KCNIP4: variants seen among roughly 807,000 people sequenced by gnomAD.
KCNIP4 encodes the protein Kv channel-interacting protein 4.
A neutral mutation model predicts 34.0 loss-of-function variants in KCNIP4; 12 were observed. That is an observed-to-expected ratio of 0.35 (90% CI 0.23 to 0.57). The LOEUF is 0.57. KCNIP4 is among the 20% of genes least tolerant of loss of function. KCNIP4 has a pLI of 0.83. For missense variants in KCNIP4, 238 were observed against 311.7 expected, an observed-to-expected ratio of 0.76 and a Z score of 1.78; for synonymous variants, 124 against 102.2, an observed-to-expected ratio of 1.21 and a Z score of -1.29.
At chr4:21,871,506 G>T (rs773457058) in intron 1 of KCNIP4, among the ~76,000 whole-genome samples, 14 of 151,638 alleles carry the variant, frequency 9.2e-5, no homozygotes, top group Admixed American at 3.3e-4. Context: ...CATGGATGAA[G>T]CTGGAAACCA....
chr4:21,035,074 G>A (rs1304207119), intron 1 of KCNIP4, among the ~76,000 whole-genome samples: 1 of 152,160 alleles, frequency 6.6e-6, no homozygotes, highest in Non-Finnish European at 1.5e-5. Flanking sequence ...AACTACATTT[G>A]CTTTTAATGG....
At chr4:21,486,159 G>C (rs940274035) in intron 1 of KCNIP4, among the ~76,000 whole-genome samples, 1 of 152,126 alleles carries the variant, frequency 6.6e-6, no homozygotes, top group Non-Finnish European at 1.5e-5. Flanking sequence ...AATGTGTTCT[G>C]ATACTTTTTG....
At chr4:20,887,720 T>C (rs190697747) in intron 1 of KCNIP4, among the ~76,000 whole-genome samples, 105 of 152,300 alleles carry the variant, frequency 6.9e-4, no homozygotes, top group African/African-American at 2.3e-3. Flanking sequence ...CTAAAAGCCT[T>C]GCATTCCAAG....
chr4:21,287,984 T>C (rs1763221186), intron 1 of KCNIP4, among the ~76,000 whole-genome samples: 1 of 152,222 alleles, frequency 6.6e-6, no homozygotes, highest in Non-Finnish European at 1.5e-5. Flanking sequence ...GATGAGCATC[T>C]ACTAAGTAAA....
intron 1 of KCNIP4, among the ~76,000 whole-genome samples, chr4:20,898,906 T>C (rs187791116): frequency 6.6e-6 from 1 of 152,338 alleles, no homozygotes; most frequent in East Asian, 1.9e-4. Flanking sequence ...TAACAACAAC[T>C]TTGCAAGCTG....
chr4:21,319,183 A>G (rs1029928930), intron 1 of KCNIP4, among the ~76,000 whole-genome samples: 4 of 152,166 alleles, frequency 2.6e-5, no homozygotes, highest in African/African-American at 7.2e-5. Flanking sequence ...GGGAGCCAAG[A>G]CCTGTCTGCT....
intron 2 of KCNIP4, 63 bp downstream of exon 2, chr4:20,882,545 G>A: frequency 7.1e-6 from 8 of 1,121,802 alleles, no homozygotes; most frequent in East Asian, 2.4e-5. Context: ...GGCAATGCAT[G>A]CAGGCCTAAA....
intron 1 of KCNIP4, among the ~76,000 whole-genome samples, chr4:21,224,591 T>TTG (rs1186407909): frequency 1.1e-4 from 15 of 135,818 alleles, no homozygotes; most frequent in African/African-American, 1.2e-4. Flanking sequence ...TTTTTTTTTT[T>TTG]TTTTTTTTTT....
intron 1 of KCNIP4, among the ~76,000 whole-genome samples, chr4:21,363,536 T>C (rs888788966): frequency 6.6e-6 from 1 of 152,148 alleles, no homozygotes; most frequent in Non-Finnish European, 1.5e-5. Context: ...AAATAAAAAT[T>C]TATAATGTGC....
At chr4:21,480,577 T>C (rs2109831800) in intron 1 of KCNIP4, among the ~76,000 whole-genome samples, 1 of 152,252 alleles carries the variant, frequency 6.6e-6, no homozygotes, top group African/African-American at 2.4e-5. Context: ...AATGAGACAG[T>C]TGAATAAAGT....
At chr4:21,944,519 T>C (rs143482940) in intron 1 of KCNIP4, among the ~76,000 whole-genome samples, 111 of 135,396 alleles carry the variant, frequency 8.2e-4, no homozygotes, top group African/African-American at 3.1e-3. Flanking sequence ...GTCACGCCAC[T>C]GCACTCCACC....
intron 1 of KCNIP4, among the ~76,000 whole-genome samples, chr4:21,172,508 G>C (rs1285910133): frequency 6.6e-6 from 1 of 152,160 alleles, no homozygotes; most frequent in Non-Finnish European, 1.5e-5. Flanking sequence ...ACATAAACTT[G>C]TGTCTTTATT....
chr4:21,594,102 A>T (rs1199222489), intron 1 of KCNIP4, among the ~76,000 whole-genome samples: 1 of 152,120 alleles, frequency 6.6e-6, no homozygotes, highest in African/African-American at 2.4e-5. Context: ...AAGATACAAT[A>T]CCAAATTTCT....
chr4:21,726,188 G>C (rs552762593), intron 1 of KCNIP4, among the ~76,000 whole-genome samples: 1 of 152,100 alleles, frequency 6.6e-6, no homozygotes, highest in South Asian at 2.1e-4. Flanking sequence ...TTAGCCTGGA[G>C]ATGTTTACTT....
intron 1 of KCNIP4, among the ~76,000 whole-genome samples, chr4:21,457,717 G>A (rs935217861): frequency 7.2e-5 from 11 of 152,146 alleles, no homozygotes; most frequent in Non-Finnish European, 1.2e-4. Flanking sequence ...CAGAGCTGGC[G>A]TATGGCAGTC....
chr4:21,338,870 C>A (rs1212012347), intron 1 of KCNIP4, among the ~76,000 whole-genome samples: 1 of 151,962 alleles, frequency 6.6e-6, no homozygotes, highest in East Asian at 1.9e-4. Context: ...TGATGAAACA[C>A]AAACTAATCT....
rs574173911 is a variant in KCNIP4 at position 21,560,308 on chromosome 4, A to G, written c.61+388263T>C. 2.0e-5 allele frequency among the ~76,000 whole-genome samples: 3 copies of G among 152,232 alleles called. No individual in the cohort carries two copies. In the East Asian group the frequency reaches 5.8e-4, roughly 29 times the overall value. On this transcript the variant is annotated intron_variant, in intron 1 of 8. Coordinates refer to ENST00000382152, the MANE Select transcript of KCNIP4 (RefSeq NM_025221.6). ...AGATTATTGGATCTACATATTTACC[A>G]TAACTCTGATTAAAGGCCTTTGAAG...
intron 3 of KCNIP4, among the ~76,000 whole-genome samples, chr4:20,762,548 A>C (rs1208858490): frequency 6.6e-6 from 1 of 152,072 alleles, no homozygotes; most frequent in Admixed American, 6.6e-5. Flanking sequence ...CTTTTTCTTC[A>C]CCTCTTCTGT....
chr4:21,494,542 A>C (rs957185468), intron 1 of KCNIP4, among the ~76,000 whole-genome samples: 2 of 152,066 alleles, frequency 1.3e-5, no homozygotes, highest in Non-Finnish European at 1.5e-5. Flanking sequence ...TGGGAGGCTG[A>C]GGTGGGCGGA....
Sources: allele counts gnomAD v4.1 joint callset (sites outside exome capture counted in the v4.1 genomes callset), GRCh38; gene constraint gnomAD v4.1.1; transcripts MANE v1.5; gene names NCBI Gene and HGNC (gene_info 2026-07-23, HGNC 2026-07-21).